ZZZ3: variants seen among roughly 807,000 people sequenced by gnomAD.
The protein encoded by ZZZ3 is ZZ-type zinc finger-containing protein 3.
In ZZZ3, 22 loss-of-function variants were observed where a neutral mutation model predicts 95.2. That is an observed-to-expected ratio of 0.23 (90% CI 0.17 to 0.33). ZZZ3 has a LOEUF of 0.33. ZZZ3 is among the 10% of genes least tolerant of loss of function. ZZZ3 has a pLI of 1.00. For synonymous variants in ZZZ3, 335 were observed against 358.9 expected (o/e 0.93, Z 0.75); for missense variants, 885 against 1,066.5 (o/e 0.83, Z 2.37).
chr1:77,578,346 C>T (rs957511773), intron 11 of ZZZ3, among the ~76,000 whole-genome samples: 3 of 152,146 alleles, frequency 2.0e-5, no homozygotes, highest in Non-Finnish European at 4.4e-5. Context: ...GTAGCTGGGA[C>T]AACAGGTGCA....
Position 77,656,272 on chromosome 1 carries a change from T to C in ZZZ3, c.-402-14617A>G, listed in dbSNP as rs530300706. On this transcript the variant is annotated intron_variant, in intron 1 of 14. Coordinates refer to ENST00000370801, the MANE Select transcript of ZZZ3 (RefSeq NM_015534.6). ...TTGTCAGTTAAATTTAGGAAAAAAG[T>C]CAAAATTTCCATTAATTTTATTTAG... is the stretch of plus-strand genomic sequence containing the variant. Among the ~76,000 whole-genome samples, 3 of 152,332 alleles carry C rather than the reference T, an allele frequency of 2.0e-5. No homozygotes were observed. The South Asian group carries it at 6.2e-4, about 32-fold the overall frequency.
In ZZZ3 at chr1:77,632,294, G is replaced by A; in HGVS notation, c.1061C>T (p.Pro354Leu). The change falls in exon 5 of 15, where the codon CCA (proline) becomes CTA (leucine). Residue 354 changes from proline to leucine, a missense_variant. Transcript: ENST00000370801. The stretch of plus-strand genomic sequence containing the variant: ...TGAAACACAGTCTAGAACAGGAGAT[G>A]GTTCAGGTTCTCCGGAGGCTGGCAT... Reference protein sequence around the residue: ...ESMPASGEPEPSPVLDCVSAQ... With the variant: ...ESMPASGEPELSPVLDCVSAQ... 6.2e-7 allele frequency: 1 copy of A among 1,614,106 alleles called. No homozygotes were observed. The highest frequency in any genetic ancestry group is 8.5e-7 in the Non-Finnish European group (1 of 1,180,012).
At position 77,576,094 on chromosome 1, in the gene ZZZ3, T is replaced by C; in HGVS notation, c.2305A>G (p.Met769Val). 2.5e-6 allele frequency: 4 copies of C among 1,611,536 alleles called. No homozygotes were observed. The highest frequency in any genetic ancestry group is 2.2e-5 in the East Asian group (1 of 44,824). ...GATGCATCTTCAACAGCAGTGTTCA[T>C]GTGGCTATGAAAACAAGATCGGTCA... ...DDDRSCFHSH[M>V]NTAVEDASDD... The change falls in exon 12 of 15, where the codon ATG becomes GTG. Residue 769 changes from methionine (M) to valine (V), a missense_variant. This residue lies in a region of ZZZ3 where 221 missense variants were observed against 247.8 expected (regional missense o/e 0.89). Transcript: ENST00000370801.
In ZZZ3 at chr1:77,639,547, G is replaced by T; in HGVS notation, c.-150C>A. ...ATCTAGAATGGAGCTTAAGCATCAG[G>T]GTTTCAGACTCTCTCAGCTTCAGCC... On this transcript the variant is annotated 5_prime_UTR_variant, in exon 4 of 15. Transcript: ENST00000370801. 1 of 1,171,200 alleles carries T rather than the reference G, an allele frequency of 8.5e-7. No homozygotes were observed. The highest frequency in any genetic ancestry group is 2.0e-5 in the South Asian group (1 of 50,114). 72.6% of individuals were successfully genotyped at this position (1,171,200 alleles called of 1,614,324 possible).
chr1:77,580,873 A>C, intron 9 of ZZZ3, 125 bp downstream of exon 9: 4 of 773,410 alleles, frequency 5.2e-6, no homozygotes, highest in Non-Finnish European at 8.9e-6. Flanking sequence ...TGATCCACCC[A>C]TATCAGCCTC....
At chr1:77,678,221 C>G (rs975957924) in intron 1 of ZZZ3, among the ~76,000 whole-genome samples, 1 of 152,250 alleles carries the variant, frequency 6.6e-6, no homozygotes, top group East Asian at 1.9e-4. Flanking sequence ...ATTGGTTGTT[C>G]ATTACTGATA....
At chr1:77,613,501 C>T (rs1264651783) in intron 5 of ZZZ3, among the ~76,000 whole-genome samples, 3 of 150,438 alleles carry the variant, frequency 2.0e-5, no homozygotes, top group Non-Finnish European at 4.4e-5. Flanking sequence ...CGCTGCTTCT[C>T]AGGTATCTAT....
intron 5 of ZZZ3, among the ~76,000 whole-genome samples, chr1:77,612,764 A>C (rs564272360): frequency 6.6e-6 from 1 of 152,086 alleles, no homozygotes; most frequent in Non-Finnish European, 1.5e-5. Flanking sequence ...AGAGATAATG[A>C]AACAGTGGAT....
At chr1:77,580,960 G>GT in intron 9 of ZZZ3, 38 bp downstream of exon 9, 2 of 1,559,010 alleles carry the variant, frequency 1.3e-6, no homozygotes, top group Non-Finnish European at 1.8e-6. Flanking sequence ...CTGTTTACTT[G>GT]TTTTTTTAAG....
At chr1:77,590,090 G>C (rs957519411) in intron 5 of ZZZ3, among the ~76,000 whole-genome samples, 2 of 152,034 alleles carry the variant, frequency 1.3e-5, no homozygotes, top group African/African-American at 4.8e-5. Context: ...ACAAAAAAGA[G>C]GGCCAGGTGC....
chr1:77,609,429 AC>A (rs1367536923), intron 5 of ZZZ3, among the ~76,000 whole-genome samples: 3 of 152,164 alleles, frequency 2.0e-5, no homozygotes, highest in Non-Finnish European at 4.4e-5. Flanking sequence ...AGACCCCAAT[AC>A]AGTAACAGCT....
At chr1:77,606,433 G>T (rs1341048361) in intron 5 of ZZZ3, among the ~76,000 whole-genome samples, 1 of 152,190 alleles carries the variant, frequency 6.6e-6, no homozygotes, top group Non-Finnish European at 1.5e-5. Flanking sequence ...TGAAGGGAAG[G>T]ACACAAGCCT....
intron 5 of ZZZ3, among the ~76,000 whole-genome samples, chr1:77,597,884 C>T (rs1664361269): frequency 6.6e-6 from 1 of 152,036 alleles, no homozygotes; most frequent in Non-Finnish European, 1.5e-5. Flanking sequence ...GAGTTAATAA[C>T]AATGTTGATT....
chr1:77,595,192 T>C (rs1196142471), intron 5 of ZZZ3, among the ~76,000 whole-genome samples: 2 of 152,032 alleles, frequency 1.3e-5, no homozygotes, highest in Admixed American at 6.6e-5. Flanking sequence ...AGTAGTTGTT[T>C]ATTTAAATAT....
intron 12 of ZZZ3, 100 bp downstream of exon 12, chr1:77,575,968 A>T: frequency 4.8e-6 from 5 of 1,037,214 alleles, no homozygotes; most frequent in Admixed American, 2.8e-5. Context: ...TGACTTGTTC[A>T]TTAAAAGAAA....
Position 77,564,018 on chromosome 1 carries a change from G to C in ZZZ3, c.*1622C>G, listed in dbSNP as rs1162039716. 1 of 151,744 alleles carries C rather than the reference G, an allele frequency of 6.6e-6. No individual in the cohort carries two copies. Among genetic ancestry groups the C allele is most frequent in the Admixed American group, 6.6e-5 (1 of 15,212 alleles). The allele number at this position is 151,744 out of a possible 1,614,324, so 9.4% of individuals were successfully genotyped here. ...AATAATGTTCCCTTGATTTAAAATA[G>C]GAAAAAACAGGTGATTCTAAAAATT... On this transcript the variant is annotated 3_prime_UTR_variant, in exon 15 of 15. Coordinates refer to ENST00000370801, the MANE Select transcript of ZZZ3 (RefSeq NM_015534.6).
At chr1:77,596,743 C>G (rs957224791) in intron 5 of ZZZ3, among the ~76,000 whole-genome samples, 2 of 151,964 alleles carry the variant, frequency 1.3e-5, no homozygotes, top group African/African-American at 4.8e-5. Context: ...ATACTGATGT[C>G]CATATATAAT....
intron 1 of ZZZ3, among the ~76,000 whole-genome samples, chr1:77,650,234 T>C (rs1456556197): frequency 1.3e-5 from 2 of 151,876 alleles, no homozygotes; most frequent in Non-Finnish European, 2.9e-5. Flanking sequence ...AAAAAGCATA[T>C]AGAAAAAATA....
chr1:77,657,493 C>G (rs1268699812), intron 1 of ZZZ3, among the ~76,000 whole-genome samples: 2 of 152,126 alleles, frequency 1.3e-5, no homozygotes, highest in Non-Finnish European at 2.9e-5. Flanking sequence ...TAGAACAAGG[C>G]AGCAGAGAGT....
Sources: gnomAD v4.1 joint callset for allele counts (sites outside exome capture counted in the v4.1 genomes callset) on GRCh38, gnomAD v4.1.1 for gene constraint, gnomAD v4.1.1 regional missense constraint, MANE v1.5 for transcripts, NCBI Gene and HGNC (gene_info 2026-07-23, HGNC 2026-07-21) for gene names.